The following UNC13C variants were observed in gnomAD, a reference collection of about 807,000 sequenced individuals.
UNC13C encodes the protein unc-13 homolog C.
Under a neutral mutation model 245.4 loss-of-function variants are expected in UNC13C, and 174 were observed. That is an observed-to-expected ratio of 0.71 (90% CI 0.63 to 0.80). UNC13C has a LOEUF of 0.80. Ranked by LOEUF, UNC13C falls within the 30% of genes least tolerant of loss-of-function variation. The pLI is 0.00. For missense variants in UNC13C, 2,829 were observed against 2,602.9 expected (o/e 1.09, Z -1.89); for synonymous variants, 992 against 895.1 (o/e 1.11, Z -1.93).
At chr15:53,976,319 A>G (rs565440122), upstream of UNC13C, among the ~76,000 whole-genome samples, 6 of 152,252 alleles carry the variant, frequency 3.9e-5, no homozygotes, top group East Asian at 3.9e-4. Flanking sequence ...GCATTCATGA[A>G]ACATTATTTC....
the UNC13C span, among the ~76,000 whole-genome samples, chr15:53,908,832 T>C: frequency 6.9e-6 from 1 of 145,382 alleles, no homozygotes; most frequent in African/African-American, 2.5e-5. Context: ...AATACTTAAT[T>C]ATATTTAGCA....
At chr15:54,234,599 G>T (rs1364134148) in intron 4 of UNC13C, among the ~76,000 whole-genome samples, 2 of 152,126 alleles carry the variant, frequency 1.3e-5, no homozygotes, top group African/African-American at 4.8e-5. Flanking sequence ...AGTTTAATTT[G>T]TGAAGCAGAA....
the UNC13C span, among the ~76,000 whole-genome samples, chr15:53,944,012 A>T: frequency 1.3e-5 from 2 of 151,998 alleles, no homozygotes; most frequent in African/African-American, 4.8e-5. Context: ...ATATTGTTAT[A>T]TTTGAAGTTT....
chr15:54,419,040 T>C (rs1463772347), intron 19 of UNC13C, among the ~76,000 whole-genome samples: 1 of 152,148 alleles, frequency 6.6e-6, no homozygotes, highest in African/African-American at 2.4e-5. Flanking sequence ...CTCTGTATAA[T>C]TAATCTAGAA....
At chr15:53,858,175 A>G in the UNC13C span, among the ~76,000 whole-genome samples, 155 of 152,304 alleles carry the variant, frequency 1.0e-3, no homozygotes, top group African/African-American at 3.6e-3. Flanking sequence ...AAGGTAGGCA[A>G]CATATTATCT....
chr15:54,482,875 A>T (rs1490003220), intron 19 of UNC13C, among the ~76,000 whole-genome samples: 1 of 152,188 alleles, frequency 6.6e-6, no homozygotes, highest in Non-Finnish European at 1.5e-5. Flanking sequence ...CATTTTTCAC[A>T]TGTCTAAAGG....
At position 54,058,524 on chromosome 15, in the gene UNC13C, C is replaced by T. The variant is rs547510348; in HGVS notation, c.2983+42638C>T. 1.6e-4 allele frequency among the ~76,000 whole-genome samples: 24 copies of T among 152,274 alleles called. No homozygotes were observed. In the South Asian group the frequency reaches 2.9e-3, roughly 18 times the overall value. Reference sequence around the variant, plus strand: ...CAGATGGACTCACAGCCGAATTCTACCAGAGGTACAAGGAGGAGCTGGTAC... The same window carrying T: ...CAGATGGACTCACAGCCGAATTCTATCAGAGGTACAAGGAGGAGCTGGTAC... On this transcript the variant is annotated intron_variant, in intron 2 of 32. Coordinates refer to ENST00000260323, the MANE Select transcript of UNC13C (RefSeq NM_001080534.3).
chr15:54,524,449 A>T (rs1318720909), intron 24 of UNC13C, among the ~76,000 whole-genome samples: 1 of 152,234 alleles, frequency 6.6e-6, no homozygotes, highest in East Asian at 1.9e-4. Context: ...TTGGTTTGAT[A>T]TAATTAATAA....
upstream of UNC13C, among the ~76,000 whole-genome samples, chr15:53,973,320 A>G (rs918964704): frequency 6.6e-6 from 1 of 152,204 alleles, no homozygotes; most frequent in Non-Finnish European, 1.5e-5. Context: ...ATATTTATTG[A>G]GTACCTACTA....
chr15:54,367,786 A>G (rs2039398088), intron 17 of UNC13C, among the ~76,000 whole-genome samples: 3 of 152,090 alleles, frequency 2.0e-5, no homozygotes, highest in African/African-American at 7.2e-5. Context: ...GTGATGGTAG[A>G]TATATTTTAT....
chr15:54,098,070 G>T (rs1307166639), intron 2 of UNC13C, among the ~76,000 whole-genome samples: 2 of 152,214 alleles, frequency 1.3e-5, no homozygotes, highest in East Asian at 3.9e-4. Context: ...AGAAGATTCA[G>T]TAGTCTCAGC....
At chr15:54,156,369 G>C (rs2032745484) in intron 4 of UNC13C, among the ~76,000 whole-genome samples, 1 of 152,150 alleles carries the variant, frequency 6.6e-6, no homozygotes, top group African/African-American at 2.4e-5. Context: ...CAGGGGATTT[G>C]TAGAAGCCAT....
the UNC13C span, among the ~76,000 whole-genome samples, chr15:53,856,156 C>T: frequency 3.3e-5 from 5 of 151,730 alleles, no homozygotes; most frequent in African/African-American, 7.3e-5. Flanking sequence ...CATTTTTGAA[C>T]GTGTTTATTT....
rs115347885 is a variant in UNC13C, at chr15:54,004,049, A to G, written c.-256-8599A>G. On this transcript the variant is annotated intron_variant, in intron 1 of 32. Coordinates refer to ENST00000260323, the MANE Select transcript of UNC13C (RefSeq NM_001080534.3). ...AACAAAACAAACAAACAAACAAAAAAACCAAACTCTTACAGACTATAGTCG... is the reference window on the plus strand; with the variant it reads ...AACAAAACAAACAAACAAACAAAAAGACCAAACTCTTACAGACTATAGTCG... Among the ~76,000 whole-genome samples the G allele has an allele frequency of 4.1e-3, 623 of 152,174 alleles. 1 individual carries two copies. The highest frequency in any genetic ancestry group is 0.015 in the African/African-American group (607 of 41,514).
At chr15:53,983,944 C>CA (rs1894024833) in intron 1 of UNC13C, among the ~76,000 whole-genome samples, 1 of 152,048 alleles carries the variant, frequency 6.6e-6, no homozygotes, top group Non-Finnish European at 1.5e-5. Flanking sequence ...CACTTGGTCT[C>CA]CAGCCATGTC....
At chr15:53,870,071 C>T in the UNC13C span, among the ~76,000 whole-genome samples, 1 of 152,326 alleles carries the variant, frequency 6.6e-6, no homozygotes, top group East Asian at 1.9e-4. Flanking sequence ...GTTTTTCCCA[C>T]CAGCCTGACT....
intron 2 of UNC13C, among the ~76,000 whole-genome samples, chr15:54,071,883 G>A (rs1007166332): frequency 2.0e-5 from 3 of 152,024 alleles, no homozygotes; most frequent in Non-Finnish European, 2.9e-5. Flanking sequence ...CCTGACCCCT[G>A]GCCTGACTTA....
At chr15:54,250,814 T>G (rs2036132874) in intron 8 of UNC13C, among the ~76,000 whole-genome samples, 1 of 141,148 alleles carries the variant, frequency 7.1e-6, no homozygotes, top group African/African-American at 2.7e-5. Flanking sequence ...TGGGGTGCAG[T>G]GGCACGATCT....
intron 2 of UNC13C, among the ~76,000 whole-genome samples, chr15:54,045,165 C>A (rs1461072819): frequency 6.6e-6 from 1 of 151,964 alleles, no homozygotes; most frequent in African/African-American, 2.4e-5. Flanking sequence ...TCATGAAGAG[C>A]TATTTATATG....
Sources: gnomAD v4.1 joint callset for allele counts (sites outside exome capture counted in the v4.1 genomes callset) on GRCh38, gnomAD v4.1.1 for gene constraint, MANE v1.5 for transcripts, NCBI Gene and HGNC (gene_info 2026-07-23, HGNC 2026-07-21) for gene names.